The following ACSM4 variants were observed in gnomAD, a reference collection of about 807,000 sequenced individuals.
ACSM4 encodes acyl-coenzyme A synthetase ACSM4, mitochondrial.
ACSM4 carries 66 observed loss-of-function variants against 73.0 expected under a neutral mutation model. The ratio of observed to expected loss-of-function variants is 0.90; its 90% CI spans 0.74 to 1.11. The LOEUF (loss-of-function observed/expected upper bound fraction) is 1.11, where lower values mean the gene tolerates loss of function less well. ACSM4 is among the 50% of genes least tolerant of loss of function. The pLI is 0.00. For synonymous variants in ACSM4, 222 were observed against 254.0 expected, an observed-to-expected ratio of 0.87 and a Z score of 1.20; for missense variants, 645 against 714.4, an observed-to-expected ratio of 0.90 and a Z score of 1.11.
intron 2 of ACSM4, among the ~76,000 whole-genome samples, chr12:7,310,035 G>A (rs1946381355): frequency 6.6e-6 from 1 of 152,166 alleles, no homozygotes; most frequent in African/African-American, 2.4e-5. Context: ...TAATCTACTG[G>A]CCTCGCCTCC....
chr12:7,323,419 A>C (rs1169557941), intron 8 of ACSM4, 40 bp from the exon 9 acceptor site: 1 of 1,608,384 alleles, frequency 6.2e-7, no homozygotes, highest in African/African-American at 1.3e-5. Context: ...TTTTTGTGAA[A>C]AGAAAATTTT....
At chr12:7,327,597 A>ATG (rs1946518336) in intron 12 of ACSM4, among the ~76,000 whole-genome samples, 1 of 152,200 alleles carries the variant, frequency 6.6e-6, no homozygotes, top group Non-Finnish European at 1.5e-5. Flanking sequence ...ATACATGAAG[A>ATG]TGGCCCTGTA....
chr12:7,306,809 G>T, intron 2 of ACSM4, 66 bp downstream of exon 2: 7 of 1,188,394 alleles, frequency 5.9e-6, no homozygotes, highest in Admixed American at 2.5e-5. Flanking sequence ...ATGGTTTTCT[G>T]AATTGTTAGC....
chr12:7,309,634 C>A (rs759584645), intron 2 of ACSM4, among the ~76,000 whole-genome samples: 1 of 152,276 alleles, frequency 6.6e-6, no homozygotes, highest in Non-Finnish European at 1.5e-5. Context: ...AACTCCTGGG[C>A]TCAAGTGACC....
intron 12 of ACSM4, among the ~76,000 whole-genome samples, 174 bp downstream of exon 12, chr12:7,327,269 A>G (rs778292692): frequency 3.7e-4 from 57 of 152,330 alleles, no homozygotes; most frequent in African/African-American, 1.2e-3. Context: ...AGAACGGTAT[A>G]AGTGAATTAT....
chr12:7,305,991 C>A (rs1346875426), intron 1 of ACSM4, among the ~76,000 whole-genome samples: 1 of 152,164 alleles, frequency 6.6e-6, no homozygotes, highest in Non-Finnish European at 1.5e-5. Flanking sequence ...CTTGTGAAAA[C>A]CACACCTCAG....
rs376305943 is a variant in ACSM4, at chr12:7,304,423, C to T, written c.92C>T (p.Thr31Met). 94 of 1,613,940 alleles carry T rather than the reference C, an allele frequency of 5.8e-5. No individual in the cohort carries two copies. In the African/African-American group the frequency reaches 6.5e-4, roughly 11 times the overall value. The change falls in exon 1 of 13, where the codon ACG (threonine) becomes ATG (methionine). Residue 31 changes from threonine to methionine, a missense_variant. By Grantham distance (81) the Thr-to-Met change is moderately conservative. Transcript: ENST00000399422. ...RRLHKDHQLW[T>M]PLTLADFEAI... ...TTACACAAAGATCACCAGCTTTGGACGCCTCTGACTCTTGCTGACTTTGAA... is the reference window on the plus strand; with the variant it reads ...TTACACAAAGATCACCAGCTTTGGATGCCTCTGACTCTTGCTGACTTTGAA...
At chr12:7,314,606 T>TA (rs1946408560) in intron 3 of ACSM4, among the ~76,000 whole-genome samples, 2 of 151,752 alleles carry the variant, frequency 1.3e-5, no homozygotes, top group Admixed American at 6.6e-5. Context: ...GGTAGATAGA[T>TA]GATAGATAGA....
At chr12:7,311,270 C>T (rs903547500) in intron 3 of ACSM4, among the ~76,000 whole-genome samples, 1 of 152,010 alleles carries the variant, frequency 6.6e-6, no homozygotes, top group Admixed American at 6.6e-5. Context: ...CTCTGCCTCC[C>T]CTCTCCTGCT....
At position 7,304,267 on chromosome 12, in the gene ACSM4, C is replaced by T. The variant is rs1235536738; in HGVS notation, c.-65C>T. The T allele has an allele frequency of 2.0e-6, 3 of 1,501,388 alleles. No individual in the cohort carries two copies. The African/African-American group carries it at 4.2e-5, about 21-fold the overall frequency. The allele number at this position is 1,501,388 out of a possible 1,614,324, so 93.0% of individuals were successfully genotyped here. A position where few individuals can be genotyped will look rare whatever the true frequency, so the allele number is the denominator to read the frequency against. ...GCATCAAGAAACTGATACTCTCTAT[C>T]CATCTCTCCCTACAGGCTGTAGTAC... On this transcript the variant is annotated 5_prime_UTR_variant, in exon 1 of 13. Coordinates refer to ENST00000399422, the MANE Select transcript of ACSM4 (RefSeq NM_001080454.2).
At chr12:7,325,580 A>G (rs758603903) in intron 11 of ACSM4, among the ~76,000 whole-genome samples, 6 of 152,226 alleles carry the variant, frequency 3.9e-5, no homozygotes, top group Admixed American at 6.5e-5. Flanking sequence ...CTGGGAGGCA[A>G]TGGTTGGAGT....
intron 1 of ACSM4, among the ~76,000 whole-genome samples, chr12:7,304,843 C>T (rs1946353196): frequency 6.6e-6 from 1 of 152,302 alleles, no homozygotes; most frequent in South Asian, 2.1e-4. Flanking sequence ...TGGTCACAGG[C>T]TTATCGAAAA....
At chr12:7,322,576 G>T (rs765685960) in intron 7 of ACSM4, 35 bp downstream of exon 7, 63 of 1,575,990 alleles carry the variant, frequency 4.0e-5, no homozygotes, top group Admixed American at 2.2e-4. Flanking sequence ...TAGTATATGT[G>T]GGGGCCTTTC....
chr12:7,320,913 C>A, intron 6 of ACSM4, 109 bp downstream of exon 6: 1 of 954,228 alleles, frequency 1.0e-6, no homozygotes. Context: ...GTCTTACCAC[C>A]ACTGACATTT....
At chr12:7,311,483 A>C (rs970511611) in intron 3 of ACSM4, among the ~76,000 whole-genome samples, 1 of 152,100 alleles carries the variant, frequency 6.6e-6, no homozygotes, top group Non-Finnish European at 1.5e-5. Context: ...TATCCTAAGA[A>C]GTTTTCCTTG....
chr12:7,323,183 T>C, intron 7 of ACSM4, 51 bp from the exon 8 acceptor site: 1 of 1,492,266 alleles, frequency 6.7e-7, no homozygotes, highest in Non-Finnish European at 9.1e-7. Context: ...CATGATATAG[T>C]TTCAGAATAT....
chr12:7,315,669 A>C (rs1946416642), intron 3 of ACSM4, among the ~76,000 whole-genome samples: 1 of 152,168 alleles, frequency 6.6e-6, no homozygotes, highest in East Asian at 1.9e-4. Flanking sequence ...AAAAATTCTC[A>C]GATACTGTAC....
chr12:7,309,367 C>T (rs191229448), intron 2 of ACSM4, among the ~76,000 whole-genome samples: 1 of 152,284 alleles, frequency 6.6e-6, no homozygotes, highest in Admixed American at 6.5e-5. Flanking sequence ...TTGCTTAAAA[C>T]AGTAGTCTCT....
At chr12:7,305,725 G>A (rs186464001) in intron 1 of ACSM4, among the ~76,000 whole-genome samples, 108 of 152,350 alleles carry the variant, frequency 7.1e-4, no homozygotes, top group African/African-American at 2.4e-3. Flanking sequence ...AGAGAAGTTA[G>A]TGGAGAAACA....
Sources: gnomAD v4.1 joint callset for allele counts (sites outside exome capture counted in the v4.1 genomes callset) on GRCh38, gnomAD v4.1.1 for gene constraint, MANE v1.5 for transcripts, NCBI Gene and HGNC (gene_info 2026-07-23, HGNC 2026-07-21) for gene names.